BACE2: variants seen among roughly 807,000 people sequenced by gnomAD.
The protein encoded by BACE2 is 56 kDa aspartic-like protease.
BACE2 carries 17 observed loss-of-function variants against 46.2 expected under a neutral mutation model. That is an observed-to-expected ratio of 0.37 (90% CI 0.25 to 0.55). BACE2 has a LOEUF of 0.55. Ranked by LOEUF, BACE2 falls within the 20% of genes least tolerant of loss-of-function variation. The pLI, the probability that BACE2 is intolerant of heterozygous loss-of-function variation, is 0.82. For synonymous variants in BACE2, 277 were observed against 295.9 expected (o/e 0.94, Z 0.66); for missense variants, 595 against 698.1 (o/e 0.85, Z 1.66).
At chr21:41,257,071 G>A in intron 7 of BACE2, 87 bp from the exon 8 acceptor site, 1 of 1,510,206 alleles carries the variant, frequency 6.6e-7, no homozygotes. Flanking sequence ...GGAGGGTCCT[G>A]AGCATGCGTG....
At chr21:41,180,109 C>A (rs1014646872) in intron 1 of BACE2, 7 of 205,126 alleles carry the variant, frequency 3.4e-5, no homozygotes, top group African/African-American at 1.4e-4. Context: ...GTATTTGTAT[C>A]CACTTTTAAT....
At chr21:41,213,843 A>G (rs1986373805) in intron 1 of BACE2, among the ~76,000 whole-genome samples, 1 of 152,054 alleles carries the variant, frequency 6.6e-6, no homozygotes, top group South Asian at 2.1e-4. Flanking sequence ...TGTTTCCAAG[A>G]ACAGTTCTAA....
At chr21:41,254,318 G>A (rs1987719693) in intron 7 of BACE2, among the ~76,000 whole-genome samples, 1 of 152,090 alleles carries the variant, frequency 6.6e-6, no homozygotes, top group Non-Finnish European at 1.5e-5. Context: ...TCTTCAGTGT[G>A]GTCACATGGC....
chr21:41,210,778 A>T (rs953659264), intron 1 of BACE2, among the ~76,000 whole-genome samples: 6 of 152,174 alleles, frequency 3.9e-5, no homozygotes, highest in African/African-American at 1.4e-4. Flanking sequence ...ACTGTGATAC[A>T]CTTAAATGTT....
In BACE2 at chr21:41,275,474, G is replaced by T; in HGVS notation, c.1407G>T (p.Trp469Cys). ...AGTCTTTGAGCGAGCCCATTTTGTG[G>T]ATTGTGTCCTATGCGCTCATGAGCG... ...PAQSLSEPIL[W>C]IVSYALMSVC... The change falls in exon 9 of 9, where the codon TGG (tryptophan) becomes TGT (cysteine). Residue 469 changes from tryptophan to cysteine, a missense_variant. Physicochemically the swap from Trp to Cys is radical, Grantham distance 215 (BLOSUM62 -2). Transcript: ENST00000330333. 1 of 1,614,140 alleles carries T rather than the reference G, an allele frequency of 6.2e-7. No individual in the cohort carries two copies. Among genetic ancestry groups the T allele is most frequent in the Non-Finnish European group, 8.5e-7 (1 of 1,180,032 alleles).
At chr21:41,216,361 G>A (rs1406712916) in intron 1 of BACE2, among the ~76,000 whole-genome samples, 1 of 152,210 alleles carries the variant, frequency 6.6e-6, no homozygotes, top group African/African-American at 2.4e-5. Flanking sequence ...CTCCAGGAAC[G>A]ACCATCGTGG....
intron 8 of BACE2, among the ~76,000 whole-genome samples, chr21:41,269,604 T>G (rs1267363365): frequency 6.6e-6 from 1 of 152,258 alleles, no homozygotes; most frequent in Non-Finnish European, 1.5e-5. Flanking sequence ...CAGTATGTAT[T>G]CCATTTTGTC....
At chr21:41,219,104 G>A in intron 1 of BACE2, among the ~76,000 whole-genome samples, 1 of 152,162 alleles carries the variant, frequency 6.6e-6, no homozygotes, top group East Asian at 1.9e-4. Context: ...CTCATGATCT[G>A]CCTGCCTCGG....
chr21:41,207,781 C>T (rs60930200), intron 1 of BACE2, among the ~76,000 whole-genome samples: 6,379 of 152,276 alleles, frequency 0.042, 430 homozygotes, highest in African/African-American at 0.14. Flanking sequence ...AGGCTGCTTA[C>T]GGCTGCTCCC....
intron 1 of BACE2, among the ~76,000 whole-genome samples, chr21:41,204,333 G>A (rs1055422091): frequency 7.9e-5 from 12 of 152,164 alleles, no homozygotes; most frequent in Non-Finnish European, 1.2e-4. Flanking sequence ...GAGCCACTGC[G>A]CCCGGCCAAG....
At chr21:41,243,230 C>T (rs948811791) in intron 4 of BACE2, 146 bp from the exon 5 acceptor site, 15 of 651,998 alleles carry the variant, frequency 2.3e-5, no homozygotes, top group Non-Finnish European at 2.4e-6. Flanking sequence ...ATTTTTTAAG[C>T]ATTGATATTT....
At chr21:41,187,686 T>C (rs1320415423) in intron 1 of BACE2, among the ~76,000 whole-genome samples, 1 of 152,142 alleles carries the variant, frequency 6.6e-6, no homozygotes, top group African/African-American at 2.4e-5. Flanking sequence ...GATGTGTAGA[T>C]ACTGAGCAAG....
chr21:41,184,359 G>C (rs542635986), intron 1 of BACE2: 1 of 167,134 alleles, frequency 6.0e-6, no homozygotes, highest in South Asian at 2.1e-4. Flanking sequence ...AGCACAGCAA[G>C]CGGATGACAA....
intron 2 of BACE2, among the ~76,000 whole-genome samples, chr21:41,229,384 G>A (rs1238549243): frequency 6.6e-6 from 1 of 152,180 alleles, no homozygotes; most frequent in East Asian, 1.9e-4. Context: ...TAAAGTCAAG[G>A]TTAGGGTGAT....
intron 7 of BACE2, among the ~76,000 whole-genome samples, chr21:41,252,937 G>A (rs1180020360): frequency 1.3e-5 from 2 of 152,160 alleles, no homozygotes. Flanking sequence ...TCTCAGGAGA[G>A]GCTTGAGTAA....
intron 8 of BACE2, among the ~76,000 whole-genome samples, chr21:41,260,276 CTGGGACTATAGCATGTGTCACCA>C (rs988787425): frequency 6.6e-6 from 1 of 152,038 alleles, no homozygotes; most frequent in African/African-American, 2.4e-5. Flanking sequence ...TCCCAAGTAC[CTGGGACTATAGCATGTGTCACCA>C]TGCCCAGAAA....
chr21:41,238,849 T>A (rs1225417929), intron 3 of BACE2, among the ~76,000 whole-genome samples: 3 of 144,884 alleles, frequency 2.1e-5, no homozygotes, highest in Non-Finnish European at 4.5e-5. Context: ...ATATACCTAA[T>A]GCTAGATGAC....
chr21:41,279,959 C>G lies in BACE2; in HGVS notation c.*4335C>G, dbSNP rs2088528713. 6.6e-6 allele frequency: 1 copy of G among 152,216 alleles called. No individual in the cohort carries two copies. The highest frequency in any genetic ancestry group is 2.1e-4 in the South Asian group (1 of 4,816). The allele number at this position is 152,216 out of a possible 1,614,324, so 9.4% of individuals were successfully genotyped here. A position where few individuals can be genotyped will look rare whatever the true frequency, so the allele number is the denominator to read the frequency against. ...GAGGTCCGCATCAGCCAAGAACGTC[C>G]CCAGGATGCCGTGGGCACCTCATTT... On this transcript the variant is annotated 3_prime_UTR_variant, in exon 9 of 9. Transcript: ENST00000330333.
chr21:41,218,116 C>G (rs1378945367), intron 1 of BACE2, among the ~76,000 whole-genome samples: 1 of 152,162 alleles, frequency 6.6e-6, no homozygotes, highest in East Asian at 1.9e-4. Context: ...TTGAATCAGA[C>G]CAACCAATGT....
Sources: allele counts gnomAD v4.1 joint callset (sites outside exome capture counted in the v4.1 genomes callset), GRCh38; gene constraint gnomAD v4.1.1; transcripts MANE v1.5; gene names NCBI Gene and HGNC (gene_info 2026-07-23, HGNC 2026-07-21).